ANKS1B: variants seen among roughly 807,000 people sequenced by gnomAD.
ANKS1B encodes the protein ankyrin repeat and sterile alpha motif domain-containing protein 1B.
Under a neutral mutation model 148.3 loss-of-function variants are expected in ANKS1B, and 36 were observed. The observed-to-expected ratio is 0.24, with a 90% CI of 0.19 to 0.32. The LOEUF is 0.32. Among genes scored for constraint, ANKS1B ranks in the 10% least tolerant of loss-of-function variants. The probability of loss-of-function intolerance (pLI) is 1.00; values close to 1 mark genes in which losing one functional copy is unlikely to be tolerated. For missense variants in ANKS1B, 1,157 were observed against 1,542.6 expected (o/e 0.75, Z 4.19); for synonymous variants, 542 against 560.8 (o/e 0.97, Z 0.47).
intron 26 of ANKS1B, among the ~76,000 whole-genome samples, chr12:98,750,250 G>A (rs1231013128): frequency 1.3e-5 from 2 of 152,130 alleles, no homozygotes; most frequent in African/African-American, 4.8e-5. Flanking sequence ...AGACTTCAGA[G>A]GAGATACAGC....
At chr12:99,684,941 G>T (rs1197976744) in intron 8 of ANKS1B, among the ~76,000 whole-genome samples, 2 of 152,058 alleles carry the variant, frequency 1.3e-5, no homozygotes, top group Non-Finnish European at 2.9e-5. Flanking sequence ...ACGAATCAAA[G>T]ACTTAAATCT....
chr12:99,269,630 C>A (rs902013434), intron 12 of ANKS1B, among the ~76,000 whole-genome samples: 6 of 152,154 alleles, frequency 3.9e-5, no homozygotes, highest in Non-Finnish European at 8.8e-5. Flanking sequence ...GCAATCTCGG[C>A]TCACTGCAAG....
At chr12:99,424,928 G>C (rs1221258607) in intron 11 of ANKS1B, among the ~76,000 whole-genome samples, 1 of 151,890 alleles carries the variant, frequency 6.6e-6, no homozygotes, top group Admixed American at 6.5e-5. Flanking sequence ...TGTTCAAACA[G>C]GGTTCAATTA....
rs74752983 is a variant in ANKS1B, at chr12:99,770,538, C to T, written c.1128+2384G>A. On this transcript the variant is annotated intron_variant, in intron 8 of 26. Coordinates refer to ENST00000683438, the MANE Select transcript of ANKS1B (RefSeq NM_001352186.2). ...AAACATGGAATGAATTCAAATAAAACAGGCTACAGAAAAGGGTCAAAGTAA... is the reference window on the plus strand; with the variant it reads ...AAACATGGAATGAATTCAAATAAAATAGGCTACAGAAAAGGGTCAAAGTAA... Among the ~76,000 whole-genome samples, 346 of 152,178 alleles carry T rather than the reference C, an allele frequency of 2.3e-3. 1 individual carries two copies. Among genetic ancestry groups the T allele is most frequent in the African/African-American group, 7.6e-3 (314 of 41,544 alleles).
At chr12:99,855,375 T>C (rs1022054192) in intron 1 of ANKS1B, among the ~76,000 whole-genome samples, 8 of 152,120 alleles carry the variant, frequency 5.3e-5, no homozygotes, top group African/African-American at 1.4e-4. Context: ...ATCCTAAATA[T>C]ATATGCACCT....
At position 99,810,824 on chromosome 12, in the gene ANKS1B, T is replaced by C. The variant is rs562869635; in HGVS notation, c.372+1331A>G. ...TAACATCCTCTTGTTTAACCTTGGA[T>C]TGTTTTTCCATTTTATTATTTCAGG... On this transcript the variant is annotated intron_variant, in intron 3 of 26. Coordinates refer to ENST00000683438, the MANE Select transcript of ANKS1B (RefSeq NM_001352186.2). 2.5e-3 allele frequency among the ~76,000 whole-genome samples: 385 copies of C among 152,104 alleles called. 1 individual carries two copies. The highest frequency in any genetic ancestry group is 4.2e-3 in the Non-Finnish European group (285 of 67,890).
At chr12:99,079,720 G>C (rs537461740) in intron 16 of ANKS1B, 1 of 152,170 alleles carries the variant, frequency 6.6e-6, no homozygotes, top group South Asian at 2.1e-4. Flanking sequence ...TGCCCCATGG[G>C]GTTAACAAGA....
chr12:99,802,335 C>T (rs12828953), intron 4 of ANKS1B, among the ~76,000 whole-genome samples: 5,710 of 152,172 alleles, frequency 0.038, 163 homozygotes, highest in Non-Finnish European at 0.061. Context: ...ATGGCACTAT[C>T]GCTATCTGGT....
intron 14 of ANKS1B, among the ~76,000 whole-genome samples, chr12:99,218,425 T>C (rs1392656204): frequency 6.6e-6 from 1 of 152,204 alleles, no homozygotes; most frequent in Non-Finnish European, 1.5e-5. Flanking sequence ...GCCACAGTAG[T>C]ATTCAGGTCC....
chr12:99,796,649 TA>T (rs2066292121), intron 4 of ANKS1B, among the ~76,000 whole-genome samples: 1 of 151,958 alleles, frequency 6.6e-6, no homozygotes, highest in Admixed American at 6.6e-5. Context: ...CTAATATGGT[TA>T]TTGGGAAGGT....
chr12:99,484,604 C>T (rs2152946152), intron 10 of ANKS1B, among the ~76,000 whole-genome samples: 1 of 151,914 alleles, frequency 6.6e-6, no homozygotes, highest in Admixed American at 6.6e-5. Context: ...AAATCTTCCA[C>T]TATTGTTATG....
intron 17 of ANKS1B, among the ~76,000 whole-genome samples, chr12:98,878,800 C>T (rs7301196): frequency 0.11 from 17,419 of 152,228 alleles, 1,082 homozygotes; most frequent in Middle Eastern, 0.17. Context: ...CTACTATTGG[C>T]CAGAGTGCCC....
At chr12:99,106,038 C>T (rs2059137295) in intron 15 of ANKS1B, among the ~76,000 whole-genome samples, 1 of 152,146 alleles carries the variant, frequency 6.6e-6, no homozygotes, top group Non-Finnish European at 1.5e-5. Context: ...ATCCCTTAGA[C>T]AGTCTGTGAC....
chr12:99,908,132 AT>A (rs764243781), intron 1 of ANKS1B, among the ~76,000 whole-genome samples: 7 of 152,176 alleles, frequency 4.6e-5, no homozygotes, highest in South Asian at 2.1e-4. Context: ...TCCTCAAATC[AT>A]TTTTTAAAGG....
intron 12 of ANKS1B, among the ~76,000 whole-genome samples, chr12:99,369,791 TGGACGGACGGACAGAC>T (rs1358777689): frequency 2.1e-4 from 31 of 148,880 alleles, no homozygotes; most frequent in East Asian, 1.4e-3. Context: ...GATAGATAGA[TGGACGGACGGACAGAC>T]GGACGGACGG....
At chr12:99,842,812 AT>A (rs2085965288) in intron 1 of ANKS1B, among the ~76,000 whole-genome samples, 1 of 152,118 alleles carries the variant, frequency 6.6e-6, no homozygotes, top group South Asian at 2.1e-4. Context: ...TCATTGAATA[AT>A]TTTTGTTAAT....
chr12:98,735,677 C>A (rs1287644564), intron 9 of ANKS1B: 1 of 735,922 alleles, frequency 1.4e-6, no homozygotes, highest in Admixed American at 1.7e-5. Context: ...TTAGTTTGTT[C>A]ATGCATTTGT....
chr12:99,659,180 T>C (rs539696518), intron 8 of ANKS1B, among the ~76,000 whole-genome samples: 1 of 152,258 alleles, frequency 6.6e-6, no homozygotes, highest in South Asian at 2.1e-4. Context: ...AGCATATAAA[T>C]TGGCTGTGTA....
At chr12:99,233,099 T>TTG (rs1192217348) in intron 14 of ANKS1B, among the ~76,000 whole-genome samples, 1 of 152,054 alleles carries the variant, frequency 6.6e-6, no homozygotes, top group African/African-American at 2.4e-5. Context: ...CATTCATGCT[T>TTG]TGTATAGAAG....
Sources: gnomAD v4.1 joint callset for allele counts (sites outside exome capture counted in the v4.1 genomes callset) on GRCh38, gnomAD v4.1.1 for gene constraint, MANE v1.5 for transcripts, NCBI Gene and HGNC (gene_info 2026-07-23, HGNC 2026-07-21) for gene names.